The following STRBP variants were observed in gnomAD, a reference collection of about 807,000 sequenced individuals.
STRBP encodes the protein spermatid perinuclear RNA-binding protein.
STRBP carries 13 observed loss-of-function variants against 80.1 expected under a neutral mutation model. That is an observed-to-expected ratio of 0.16 (90% CI 0.11 to 0.26). The LOEUF is 0.26. Among genes scored for constraint, STRBP ranks in the 10% least tolerant of loss-of-function variants. The probability of loss-of-function intolerance (pLI) is 1.00; values close to 1 mark genes in which losing one functional copy is unlikely to be tolerated. For missense variants in STRBP, 485 were observed against 815.2 expected (o/e 0.59, Z 4.93); for synonymous variants, 284 against 291.2 (o/e 0.98, Z 0.25).
rs1381731772 is a variant in STRBP at position 123,124,219 on chromosome 9, A to C, written c.*1378T>G. ...CCAAAAGCAGAACTGAATAGGGAAAATGAAAGCTAATTCATACTAAAAACA... is the reference window on the plus strand; with the variant it reads ...CCAAAAGCAGAACTGAATAGGGAAACTGAAAGCTAATTCATACTAAAAACA... On this transcript the variant is annotated 3_prime_UTR_variant, in exon 19 of 19. Coordinates refer to ENST00000348403, the MANE Select transcript of STRBP (RefSeq NM_018387.5). 2.2e-5 allele frequency: 22 copies of C among 985,344 alleles called. No homozygotes were observed. Among genetic ancestry groups the C allele is most frequent in the Non-Finnish European group, 2.7e-5 (22 of 829,944 alleles). 61.0% of individuals were successfully genotyped at this position (985,344 alleles called of 1,614,324 possible).
In STRBP at chr9:123,184,141, CT is replaced by C; in HGVS notation, c.-8del. On this transcript the variant is annotated 5_prime_UTR_variant, in exon 3 of 19. It adds an upstream start codon to the 5' untranslated region. Transcript: ENST00000348403. The stretch of plus-strand genomic sequence containing the variant: ...ATCCACAATAACCTACCATGGTTTT[CT>C]ATAGTATTTTAGCTTCTTTTTCCGA... 1 of 1,609,264 alleles carries C rather than the reference CT, an allele frequency of 6.2e-7. No individual in the cohort carries two copies. The highest frequency in any genetic ancestry group is 8.5e-7 in the Non-Finnish European group (1 of 1,177,280).
chr9:123,203,427 A>G (rs2039400792), intron 2 of STRBP, among the ~76,000 whole-genome samples: 1 of 152,014 alleles, frequency 6.6e-6, no homozygotes, highest in Non-Finnish European at 1.5e-5. Flanking sequence ...CCTGTCTCTG[A>G]GTAAATACTT....
At chr9:123,192,664 G>A (rs955943299) in intron 2 of STRBP, among the ~76,000 whole-genome samples, 5 of 152,168 alleles carry the variant, frequency 3.3e-5, no homozygotes, top group African/African-American at 4.8e-5. Context: ...TACTACTACA[G>A]ATATCTAATA....
intron 1 of STRBP, among the ~76,000 whole-genome samples, chr9:123,254,499 C>G (rs1011923268): frequency 6.8e-6 from 1 of 146,398 alleles, no homozygotes; most frequent in African/African-American, 2.5e-5. Flanking sequence ...AAAAAGAAAT[C>G]TACCTCTTGC....
intron 18 of STRBP, among the ~76,000 whole-genome samples, chr9:123,127,216 C>T (rs803731): frequency 0.97 from 147,225 of 152,352 alleles, 71,336 homozygotes; most frequent in East Asian, 1. Context: ...AGGTTCAGTT[C>T]AGCAGTGTTT....
At chr9:123,226,270 G>T (rs2040232957) in intron 2 of STRBP, among the ~76,000 whole-genome samples, 2 of 152,172 alleles carry the variant, frequency 1.3e-5, no homozygotes, top group Non-Finnish European at 2.9e-5. Context: ...ACGTTTTGTA[G>T]TAATGGATAT....
In STRBP at chr9:123,131,420, CCA is replaced by C. The variant is rs537548259; in HGVS notation, c.1897+1423_1897+1424del. Among the ~76,000 whole-genome samples the C allele has an allele frequency of 9.5e-4, 144 of 152,334 alleles. 2 individuals are homozygous for C. Among genetic ancestry groups the C allele is most frequent in the Admixed American group, 8.0e-3 (122 of 15,302 alleles). On this transcript the variant is annotated intron_variant, in intron 17 of 18. Transcript: ENST00000348403. ...TCTGCCACTCAGTGCTCACCACATT[CCA>C]CACATTCTGGACTTCTGCTTCTTCA...
At chr9:123,131,003 C>T (rs901445519) in intron 17 of STRBP, among the ~76,000 whole-genome samples, 95 of 151,902 alleles carry the variant, frequency 6.3e-4, no homozygotes, top group Non-Finnish European at 8.2e-4. Flanking sequence ...TACATAGTTC[C>T]GGGGTTCGTG....
chr9:123,219,900 G>A (rs1423974051), intron 2 of STRBP, among the ~76,000 whole-genome samples: 2 of 152,282 alleles, frequency 1.3e-5, no homozygotes, highest in African/African-American at 2.4e-5. Flanking sequence ...CAGAATGGGA[G>A]CTTCCCCGTG....
At chr9:123,263,049 G>T (rs556805434) in intron 1 of STRBP, among the ~76,000 whole-genome samples, 2 of 152,222 alleles carry the variant, frequency 1.3e-5, no homozygotes, top group South Asian at 4.1e-4. Flanking sequence ...AGAATTACTA[G>T]TCAGAAACAG....
Position 123,122,825 on chromosome 9 carries a change from T to C in STRBP, c.*2772A>G, listed in dbSNP as rs2035773875. Reference sequence around the variant, plus strand: ...AAAAGTGTAAAAAACTGTCAGAACATAGCACAGCTCACACGCTAATTTTAA... The same window carrying C: ...AAAAGTGTAAAAAACTGTCAGAACACAGCACAGCTCACACGCTAATTTTAA... On this transcript the variant is annotated 3_prime_UTR_variant, in exon 19 of 19. Transcript: ENST00000348403. 2 of 988,446 alleles carry C rather than the reference T, an allele frequency of 2.0e-6. No homozygotes were observed. Among genetic ancestry groups the C allele is most frequent in the African/African-American group, 1.7e-5 (1 of 57,256 alleles). The allele number at this position is 988,446 out of a possible 1,614,324, so 61.2% of individuals were successfully genotyped here.
At chr9:123,208,085 C>T (rs1588103184) in intron 2 of STRBP, among the ~76,000 whole-genome samples, 1 of 148,802 alleles carries the variant, frequency 6.7e-6, no homozygotes, top group African/African-American at 2.5e-5. Flanking sequence ...GTAGAAGGTA[C>T]AAGAAAGTTC....
chr9:123,173,950 A>G, intron 4 of STRBP, 108 bp from the exon 5 acceptor site: 1 of 1,188,106 alleles, frequency 8.4e-7, no homozygotes, highest in Non-Finnish European at 1.2e-6. Flanking sequence ...GGGAGTATGT[A>G]AATCCAGACA....
chr9:123,264,103 C>T (rs757922394), intron 1 of STRBP, among the ~76,000 whole-genome samples: 16 of 152,170 alleles, frequency 1.1e-4, no homozygotes, highest in Non-Finnish European at 2.2e-4. Flanking sequence ...CACTTGAACC[C>T]GGGAGGCGGA....
At chr9:123,161,596 G>C (rs1368576592) in intron 6 of STRBP, among the ~76,000 whole-genome samples, 9 of 151,830 alleles carry the variant, frequency 5.9e-5, no homozygotes, top group Admixed American at 5.9e-4. Flanking sequence ...AATTCAACAA[G>C]ATAACCATTA....
At chr9:123,188,258 T>C (rs2038781687) in intron 2 of STRBP, among the ~76,000 whole-genome samples, 1 of 152,222 alleles carries the variant, frequency 6.6e-6, no homozygotes, top group Non-Finnish European at 1.5e-5. Flanking sequence ...AATTTATCCA[T>C]TCAACTACTG....
intron 13 of STRBP, among the ~76,000 whole-genome samples, chr9:123,141,232 G>A (rs958921575): frequency 1.3e-5 from 2 of 152,052 alleles, no homozygotes; most frequent in Non-Finnish European, 2.9e-5. Flanking sequence ...CCAAAAAATC[G>A]ACCTACATAG....
At chr9:123,242,291 C>T (rs1368457009) in intron 1 of STRBP, among the ~76,000 whole-genome samples, 3 of 152,092 alleles carry the variant, frequency 2.0e-5, no homozygotes, top group Non-Finnish European at 4.4e-5. Flanking sequence ...GGACCTTTAC[C>T]ACTGTATTCT....
At chr9:123,114,363 C>T (rs944231155) in intron 3 of STRBP, 5 of 167,176 alleles carry the variant, frequency 3.0e-5, no homozygotes, top group Admixed American at 2.6e-4. Context: ...CCACGTCTTC[C>T]CATGGGCTAC....
Sources: gnomAD v4.1 joint callset for allele counts (sites outside exome capture counted in the v4.1 genomes callset) on GRCh38, gnomAD v4.1.1 for gene constraint, MANE v1.5 for transcripts, NCBI Gene and HGNC (gene_info 2026-07-23, HGNC 2026-07-21) for gene names.